Variants in TYR observed in about 807,000 individuals in gnomAD.
TYR encodes tyrosinase, also known as LB24-AB.
TYR carries 58 observed loss-of-function variants against 51.5 expected under a neutral mutation model. The ratio of observed to expected loss-of-function variants is 1.13; its 90% CI spans 0.91 to 1.40. TYR has a LOEUF of 1.40. Ranked by LOEUF, TYR falls within the 40% of genes most tolerant of loss-of-function variation. The pLI is 0.00. For missense variants in TYR, 732 were observed against 647.4 expected (o/e 1.13, Z -1.42); for synonymous variants, 263 against 235.2 (o/e 1.12, Z -1.08).
At chr11:89,259,871 A>C (rs1320523305) in intron 3 of TYR, among the ~76,000 whole-genome samples, 1 of 152,144 alleles carries the variant, frequency 6.6e-6, no homozygotes, top group Non-Finnish European at 1.5e-5. Context: ...TTGATTAATA[A>C]TGATTCCCTC....
At chr11:89,234,881 T>TA (rs1278722854) in intron 3 of TYR, among the ~76,000 whole-genome samples, 1 of 150,790 alleles carries the variant, frequency 6.6e-6, no homozygotes, top group East Asian at 1.9e-4. Context: ...GTGACAGACA[T>TA]AAAGTGAACA....
At position 89,178,330 on chromosome 11, in the gene TYR, T is replaced by C; in HGVS notation, c.377T>C (p.Leu126Ser). The C allele has an allele frequency of 6.2e-7, 1 of 1,614,184 alleles. No homozygotes were observed. Residue 126 changes from leucine to serine, a missense_variant, in exon 1 of 5, where the codon TTG becomes TCG. Leu to Ser is a moderately radical substitution (Grantham distance 145). Coordinates refer to ENST00000263321, the MANE Select transcript of TYR (RefSeq NM_000372.5). ...RLLVRRNIFD[L>S]SAPEKDKFFA... The stretch of plus-strand genomic sequence containing the variant: ...TTGGTGAGAAGAAACATCTTCGATT[T>C]GAGTGCCCCAGAGAAGGACAAATTT...
intron 2 of TYR, among the ~76,000 whole-genome samples, chr11:89,225,255 A>G (rs1324819093): frequency 6.6e-6 from 1 of 151,920 alleles, no homozygotes. Flanking sequence ...AATATCTGTT[A>G]CCTCACATAC....
intron 3 of TYR, among the ~76,000 whole-genome samples, chr11:89,236,570 A>T (rs140429801): frequency 6.0e-4 from 91 of 152,336 alleles, no homozygotes; most frequent in African/African-American, 2.0e-3. Context: ...AATTATCATT[A>T]TACAGAAAGC....
intron 3 of TYR, among the ~76,000 whole-genome samples, chr11:89,257,884 G>C (rs1038903740): frequency 2.0e-5 from 3 of 151,892 alleles, no homozygotes; most frequent in African/African-American, 7.3e-5. Flanking sequence ...ACACAGAAAT[G>C]CTAAAAATTC....
intron 3 of TYR, among the ~76,000 whole-genome samples, chr11:89,277,542 A>T (rs1045749949): frequency 6.6e-6 from 1 of 151,698 alleles, no homozygotes; most frequent in African/African-American, 2.4e-5. Flanking sequence ...CTTACTCTGA[A>T]ATCCAGACCC....
At chr11:89,291,602 A>C (rs1286481982) in intron 4 of TYR, among the ~76,000 whole-genome samples, 1 of 151,884 alleles carries the variant, frequency 6.6e-6, no homozygotes, top group African/African-American at 2.4e-5. Context: ...ACTTTTTTCC[A>C]CATACACATA....
chr11:89,288,658 A>C (rs2135327235), intron 4 of TYR, among the ~76,000 whole-genome samples: 1 of 152,192 alleles, frequency 6.6e-6, no homozygotes, highest in East Asian at 1.9e-4. Context: ...AACAGCAGAT[A>C]CTTGGGAGGC....
Position 89,178,381 on chromosome 11 carries a change from A to G in TYR, c.428A>G (p.His143Arg), listed in dbSNP as rs755335336. The change falls in exon 1 of 5, where the codon CAT becomes CGT. Residue 143 changes from histidine (H) to arginine (R), a missense_variant. His to Arg is a conservative substitution (Grantham distance 29, BLOSUM62 0). Transcript: ENST00000263321. Reference sequence around the variant, plus strand: ...TTTGCCTACCTCACTTTAGCAAAGCATACCATCAGCTCAGACTATGTCATC... The same window carrying G: ...TTTGCCTACCTCACTTTAGCAAAGCGTACCATCAGCTCAGACTATGTCATC... ...KFFAYLTLAK[H>R]TISSDYVIPI... is the part of the protein sequence containing the mutation. 1 of 1,614,182 alleles carries G rather than the reference A, an allele frequency of 6.2e-7. No individual in the cohort carries two copies. Among genetic ancestry groups the G allele is most frequent in the African/African-American group, 1.3e-5 (1 of 75,044 alleles).
intron 3 of TYR, among the ~76,000 whole-genome samples, 164 bp from the exon 4 acceptor site, chr11:89,284,609 A>G (rs1944759079): frequency 6.6e-6 from 1 of 151,932 alleles, no homozygotes; most frequent in African/African-American, 2.4e-5. Context: ...GGCCTGAAAG[A>G]ATAAACTAAT....
chr11:89,196,101 G>A (rs1943515620), intron 2 of TYR, among the ~76,000 whole-genome samples: 1 of 152,094 alleles, frequency 6.6e-6, no homozygotes, highest in African/African-American at 2.4e-5. Flanking sequence ...ATTAAATGAT[G>A]CAATACATGT....
chr11:89,235,635 T>G (rs1160547732), intron 3 of TYR, among the ~76,000 whole-genome samples: 3 of 151,508 alleles, frequency 2.0e-5, no homozygotes, highest in Non-Finnish European at 2.9e-5. Context: ...CTCGTAGGAG[T>G]AGGAAATAGA....
chr11:89,234,536 C>T (rs757673417), intron 3 of TYR, among the ~76,000 whole-genome samples: 4 of 142,936 alleles, frequency 2.8e-5, no homozygotes, highest in Non-Finnish European at 4.5e-5. Flanking sequence ...CTCAATCATC[C>T]CTAGTTTTTT....
chr11:89,196,364 C>G (rs1178479662), intron 2 of TYR, among the ~76,000 whole-genome samples: 1 of 152,078 alleles, frequency 6.6e-6, no homozygotes, highest in East Asian at 1.9e-4. Context: ...GATTTCAGGA[C>G]AAGTTTCAAA....
rs559593255 is a variant in TYR at position 89,258,650 on chromosome 11, T to C, written c.1185-26123T>C. Among the ~76,000 whole-genome samples, 8 of 152,200 alleles carry C rather than the reference T, an allele frequency of 5.3e-5. No individual in the cohort carries two copies. In the East Asian group the frequency reaches 1.4e-3, roughly 26 times the overall value. On this transcript the variant is annotated intron_variant, in intron 3 of 4. Coordinates refer to ENST00000263321, the MANE Select transcript of TYR (RefSeq NM_000372.5). ...AACAGATATGATAAGTGGACAGATA[T>C]TGGGTGAATTTAAGAAAAACAAAGT... is the stretch of plus-strand genomic sequence containing the variant.
Position 89,284,787 on chromosome 11 carries a change from G to T in TYR, c.1199G>T (p.Trp400Leu), listed in dbSNP as rs62645916. 8.1e-6 allele frequency: 13 copies of T among 1,611,442 alleles called. No individual in the cohort carries two copies. In the East Asian group the frequency reaches 2.5e-4, roughly 30 times the overall value. The part of the protein sequence containing the change: ...HAFVDSIFEQ[W>L]LRRHRPLQEV... Reference sequence around the variant, plus strand: ...TTCCTCTGCAGTATTTTTGAGCAGTGGCTCCGAAGGCACCGTCCTCTTCAA... The same window carrying T: ...TTCCTCTGCAGTATTTTTGAGCAGTTGCTCCGAAGGCACCGTCCTCTTCAA... The change falls in exon 4 of 5, where the codon TGG (tryptophan) becomes TTG (leucine). Residue 400 changes from tryptophan to leucine, a missense_variant. Coordinates refer to ENST00000263321, the MANE Select transcript of TYR (RefSeq NM_000372.5).
rs531780224 is a variant in TYR at position 89,281,287 on chromosome 11, T to C, written c.1185-3486T>C. 5.7e-4 allele frequency among the ~76,000 whole-genome samples: 87 copies of C among 151,840 alleles called. 3 individuals carry two copies. The South Asian group carries it at 0.016, about 28-fold the overall frequency. On this transcript the variant is annotated intron_variant, in intron 3 of 4. Coordinates refer to ENST00000263321, the MANE Select transcript of TYR (RefSeq NM_000372.5). ...TCTTCCTGAAACTGGGATAAGGCTC[T>C]AACAATTTCCCCTGGATCATAGGGC...
intron 3 of TYR, among the ~76,000 whole-genome samples, chr11:89,269,267 GCA>G (rs1406804285): frequency 6.6e-6 from 1 of 151,930 alleles, no homozygotes; most frequent in African/African-American, 2.4e-5. Context: ...CAAGTTAATA[GCA>G]GACCTCCCAT....
At chr11:89,241,464 T>C (rs369125022) in intron 3 of TYR, among the ~76,000 whole-genome samples, 23 of 152,252 alleles carry the variant, frequency 1.5e-4, no homozygotes, top group Middle Eastern at 3.4e-3. Context: ...AAATACGATA[T>C]GTGTCTGATA....
Sources: gnomAD v4.1 joint callset for allele counts (sites outside exome capture counted in the v4.1 genomes callset) on GRCh38, gnomAD v4.1.1 for gene constraint, MANE v1.5 for transcripts, NCBI Gene and HGNC (gene_info 2026-07-23, HGNC 2026-07-21) for gene names.